C12orf42: variants seen among roughly 807,000 people sequenced by gnomAD.
C12orf42 encodes chromosome 12 open reading frame 42, also known as uncharacterized protein C12orf42.
Under a neutral mutation model 21.6 loss-of-function variants are expected in C12orf42, and 25 were observed. That is an observed-to-expected ratio of 1.16 (90% CI 0.84 to 1.62). The LOEUF is 1.62. C12orf42 is among the 40% of genes most tolerant of loss of function. C12orf42 has a pLI of 0.00. For missense variants in C12orf42, 483 were observed against 459.3 expected, an observed-to-expected ratio of 1.05 and a Z score of -0.47; for synonymous variants, 174 against 175.0, an observed-to-expected ratio of 0.99 and a Z score of 0.05.
the C12orf42 span, among the ~76,000 whole-genome samples, chr12:103,080,519 TA>T: frequency 1.3e-5 from 2 of 151,944 alleles, no homozygotes; most frequent in East Asian, 1.9e-4. Context: ...TGCAGACACC[TA>T]AAAAAAAGCT....
the C12orf42 span, among the ~76,000 whole-genome samples, chr12:103,116,814 A>G: frequency 1.3e-5 from 2 of 152,236 alleles, no homozygotes; most frequent in African/African-American, 4.8e-5. Flanking sequence ...TCAGAAAGAT[A>G]AAGTACCTTG....
the C12orf42 span, among the ~76,000 whole-genome samples, chr12:103,083,122 T>C: frequency 6.6e-6 from 1 of 152,108 alleles, no homozygotes; most frequent in African/African-American, 2.4e-5. Context: ...TCCAACACTT[T>C]GGGAGGCCGA....
the C12orf42 span, among the ~76,000 whole-genome samples, chr12:103,082,685 A>G: frequency 1.1e-4 from 16 of 152,270 alleles, no homozygotes; most frequent in African/African-American, 3.9e-4. Context: ...CCTAGAACTT[A>G]AAGTATAATA....
chr12:103,253,010 T>C (rs1335934411), intron 10 of C12orf42, among the ~76,000 whole-genome samples: 1 of 152,082 alleles, frequency 6.6e-6, no homozygotes, highest in African/African-American at 2.4e-5. Context: ...GTCCAGTTTC[T>C]GTTTTCTGCA....
chr12:103,239,241 G>A (rs994132589), intron 10 of C12orf42, among the ~76,000 whole-genome samples: 1 of 152,120 alleles, frequency 6.6e-6, no homozygotes, highest in African/African-American at 2.4e-5. Flanking sequence ...GTTACCTATT[G>A]TTATAATCAT....
chr12:103,259,354 C>T (rs2034774367), intron 10 of C12orf42, among the ~76,000 whole-genome samples: 1 of 152,190 alleles, frequency 6.6e-6, no homozygotes, highest in South Asian at 2.1e-4. Context: ...TCTTGGCTCA[C>T]TGCAACTTCT....
At chr12:103,449,402 G>A (rs1951796988) in intron 2 of C12orf42, among the ~76,000 whole-genome samples, 1 of 128,264 alleles carries the variant, frequency 7.8e-6, no homozygotes, top group Admixed American at 8.9e-5. Context: ...TACCACTTGT[G>A]TGATGGATGC....
the C12orf42 span, among the ~76,000 whole-genome samples, chr12:103,556,042 C>G: frequency 6.6e-6 from 1 of 152,142 alleles, no homozygotes; most frequent in Non-Finnish European, 1.5e-5. Flanking sequence ...GGAGTACCAG[C>G]AGGATCTGCT....
the C12orf42 span, among the ~76,000 whole-genome samples, chr12:103,195,175 T>G: frequency 6.6e-6 from 1 of 152,236 alleles, no homozygotes; most frequent in Non-Finnish European, 1.5e-5. Context: ...ATGTACCACA[T>G]TTTCTTTATC....
intron 4 of C12orf42, among the ~76,000 whole-genome samples, chr12:103,281,928 A>G (rs951105703): frequency 6.8e-6 from 1 of 146,474 alleles, no homozygotes; most frequent in African/African-American, 2.7e-5. Context: ...AGAAAGAAAG[A>G]AAGAAAGAAA....
intron 2 of C12orf42, among the ~76,000 whole-genome samples, chr12:103,464,885 G>T (rs1041936626): frequency 1.3e-5 from 2 of 152,262 alleles, no homozygotes; most frequent in African/African-American, 4.8e-5. Context: ...TGGATGTGCA[G>T]TCTTATTTCT....
the C12orf42 span, among the ~76,000 whole-genome samples, chr12:103,162,274 C>T: frequency 1.3e-5 from 2 of 152,070 alleles, no homozygotes; most frequent in East Asian, 1.9e-4. Context: ...CCTGCGGGGG[C>T]CTCTCCACCA....
chr12:103,120,390 G>A, the C12orf42 span, among the ~76,000 whole-genome samples: 1 of 152,182 alleles, frequency 6.6e-6, no homozygotes, highest in African/African-American at 2.4e-5. Context: ...AAACAAAAAG[G>A]ACATAGCCAT....
intron 10 of C12orf42, among the ~76,000 whole-genome samples, chr12:103,258,872 A>G (rs957710267): frequency 6.6e-6 from 1 of 152,188 alleles, no homozygotes; most frequent in Admixed American, 6.5e-5. Flanking sequence ...GGAAGATTCA[A>G]CACCATAAAG....
the C12orf42 span, among the ~76,000 whole-genome samples, chr12:103,506,806 A>T: frequency 9.1e-6 from 1 of 110,392 alleles, no homozygotes; most frequent in Non-Finnish European, 1.7e-5. Context: ...GTGATGTATC[A>T]AATACATGTT....
chr12:103,275,069 G>T (rs954330879), intron 5 of C12orf42, among the ~76,000 whole-genome samples: 8 of 151,544 alleles, frequency 5.3e-5, no homozygotes, highest in Admixed American at 1.3e-4. Context: ...TAAATGCATT[G>T]CCTAAATTCA....
chr12:103,117,119 A>G, the C12orf42 span, among the ~76,000 whole-genome samples: 1 of 152,216 alleles, frequency 6.6e-6, no homozygotes, highest in African/African-American at 2.4e-5. Context: ...ACAGTGCTAT[A>G]GAACACTAGC....
intron 4 of C12orf42, among the ~76,000 whole-genome samples, chr12:103,294,288 C>T (rs1331489099): frequency 6.7e-6 from 1 of 148,880 alleles, no homozygotes; most frequent in African/African-American, 2.5e-5. Context: ...GATTGATTCC[C>T]ATAGAGGAGG....
At chr12:103,050,240 G>C in the C12orf42 span, among the ~76,000 whole-genome samples, 1 of 152,060 alleles carries the variant, frequency 6.6e-6, no homozygotes, top group Non-Finnish European at 1.5e-5. Context: ...GTGTGTGTGT[G>C]TGTGTGTGTG....
Sources: allele counts gnomAD v4.1 joint callset (sites outside exome capture counted in the v4.1 genomes callset), GRCh38; gene constraint gnomAD v4.1.1; transcripts MANE v1.5; gene names NCBI Gene and HGNC (gene_info 2026-07-23, HGNC 2026-07-21).